The following CACNB2 variants were observed in gnomAD, a reference collection of about 807,000 sequenced individuals.
CACNB2 encodes calcium voltage-gated channel auxiliary subunit beta 2.
In CACNB2, 42 loss-of-function variants were observed where a neutral mutation model predicts 73.3. That is an observed-to-expected ratio of 0.57 (90% CI 0.45 to 0.74). The LOEUF (loss-of-function observed/expected upper bound fraction) is 0.74. CACNB2 is among the 30% of genes least tolerant of loss of function. The pLI, the probability that CACNB2 is intolerant of heterozygous loss-of-function variation, is 0.00. For synonymous variants in CACNB2, 348 were observed against 310.3 expected, an observed-to-expected ratio of 1.12 and a Z score of -1.28; for missense variants, 940 against 853.0, an observed-to-expected ratio of 1.10 and a Z score of -1.27.
rs147229495 is a variant in CACNB2 at position 18,411,302 on chromosome 10, G to A, written c.333+9259G>A. ...CAGAAGCCCGCTGGACCTCTGTTAG[G>A]CTTCTCTTCCCTGTTGACATATACT... is the stretch of plus-strand genomic sequence containing the variant. On this transcript the variant is annotated intron_variant, in intron 3 of 13. Coordinates refer to ENST00000324631, the MANE Select transcript of CACNB2 (RefSeq NM_201596.3). Among the ~76,000 whole-genome samples the A allele has an allele frequency of 2.6e-3, 398 of 152,176 alleles. 3 individuals are homozygous for A. Among genetic ancestry groups the A allele is most frequent in the African/African-American group, 9.1e-3 (377 of 41,510 alleles).
At chr10:18,339,350 G>C (rs536539331) in intron 2 of CACNB2, among the ~76,000 whole-genome samples, 2 of 151,974 alleles carry the variant, frequency 1.3e-5, no homozygotes, top group South Asian at 4.2e-4. Context: ...CTGAAACCCC[G>C]TAACTACTAA....
intron 3 of CACNB2, among the ~76,000 whole-genome samples, chr10:18,486,349 G>A (rs2049058900): frequency 6.6e-6 from 1 of 152,152 alleles, no homozygotes. Context: ...ATTATAATGT[G>A]TTTATTCTAT....
chr10:18,146,327 T>TTTTTTTA (rs2030975714), intron 1 of CACNB2, among the ~76,000 whole-genome samples: 4 of 125,626 alleles, frequency 3.2e-5, no homozygotes, highest in African/African-American at 5.8e-5. Flanking sequence ...TTTTTTTTTT[T>TTTTTTTA]GAGATGGTGT....
At chr10:18,285,985 T>G (rs1290279977) in intron 2 of CACNB2, among the ~76,000 whole-genome samples, 1 of 152,228 alleles carries the variant, frequency 6.6e-6, no homozygotes, top group Non-Finnish European at 1.5e-5. Flanking sequence ...AAACCAATCA[T>G]GTGGGAACAC....
Position 18,539,954 on chromosome 10 carries a change from G to C in CACNB2, c.*230G>C. 2.0e-6 allele frequency: 1 copy of C among 504,534 alleles called. No individual in the cohort carries two copies. The highest frequency in any genetic ancestry group is 2.2e-5 in the South Asian group (1 of 45,576). 31.3% of individuals were successfully genotyped at this position (504,534 alleles called of 1,614,324 possible). ...CTGGTATGGCTGCAGTCCTCCGGTTGCATACTGGACTCTTCAAAAACTGTT... is the reference window on the plus strand; with the variant it reads ...CTGGTATGGCTGCAGTCCTCCGGTTCCATACTGGACTCTTCAAAAACTGTT... On this transcript the variant is annotated 3_prime_UTR_variant, in exon 14 of 14. Coordinates refer to ENST00000324631, the MANE Select transcript of CACNB2 (RefSeq NM_201596.3).
intron 3 of CACNB2, among the ~76,000 whole-genome samples, chr10:18,408,794 C>T (rs545986169): frequency 1.3e-5 from 2 of 152,160 alleles, no homozygotes; most frequent in African/African-American, 2.4e-5. Context: ...AGATTATGGA[C>T]GCAAATTTTT....
chr10:18,171,624 CACTT>C (rs987377100), intron 2 of CACNB2, among the ~76,000 whole-genome samples: 1 of 144,092 alleles, frequency 6.9e-6, no homozygotes, highest in African/African-American at 2.5e-5. Flanking sequence ...TTATTTGACT[CACTT>C]AGTTTACACA....
intron 2 of CACNB2, among the ~76,000 whole-genome samples, chr10:18,161,466 C>T (rs1003305364): frequency 6.6e-6 from 1 of 152,070 alleles, no homozygotes; most frequent in Non-Finnish European, 1.5e-5. Context: ...CCAGCTTTTC[C>T]TTCTTGGAAA....
At chr10:18,536,800 A>G (rs1210567483) in intron 12 of CACNB2, among the ~76,000 whole-genome samples, 1 of 152,216 alleles carries the variant, frequency 6.6e-6, no homozygotes, top group Non-Finnish European at 1.5e-5. Flanking sequence ...TTTGGCTTGT[A>G]TGATGAGTCT....
intron 2 of CACNB2, among the ~76,000 whole-genome samples, chr10:18,183,230 A>C (rs1264406919): frequency 6.6e-6 from 1 of 152,210 alleles, no homozygotes; most frequent in East Asian, 1.9e-4. Flanking sequence ...TCTGCCATAT[A>C]GTCTGAGTTC....
At chr10:18,282,901 A>G (rs2038615070) in intron 2 of CACNB2, among the ~76,000 whole-genome samples, 1 of 152,206 alleles carries the variant, frequency 6.6e-6, no homozygotes, top group Non-Finnish European at 1.5e-5. Flanking sequence ...AATGGGAGAA[A>G]ATGTTTACAA....
chr10:18,481,192 CTATATATATATATATATATATATATA>C (rs145814788), intron 3 of CACNB2, among the ~76,000 whole-genome samples: 4,720 of 36,758 alleles, frequency 0.13, 508 homozygotes, highest in East Asian at 0.26. Context: ...TACATCTTCG[CTATATATATATATATATATATATATA>C]TATATATATA....
chr10:18,240,153 C>G (rs1183084331), intron 2 of CACNB2, among the ~76,000 whole-genome samples: 2 of 152,316 alleles, frequency 1.3e-5, no homozygotes, highest in East Asian at 1.9e-4. Context: ...ATAACAAAAA[C>G]TATGAGTATT....
At chr10:18,171,379 G>T (rs2131151736) in intron 2 of CACNB2, among the ~76,000 whole-genome samples, 1 of 151,452 alleles carries the variant, frequency 6.6e-6, no homozygotes, top group East Asian at 1.9e-4. Context: ...GGGTATTCCT[G>T]GGCTGGGGGC....
chr10:18,230,448 A>G (rs573781694), intron 2 of CACNB2, among the ~76,000 whole-genome samples: 2 of 152,292 alleles, frequency 1.3e-5, no homozygotes, highest in South Asian at 2.1e-4. Context: ...AGACCATGGT[A>G]TGATTGGAAC....
At chr10:18,152,016 G>A (rs1459972294) in intron 2 of CACNB2, among the ~76,000 whole-genome samples, 3 of 152,052 alleles carry the variant, frequency 2.0e-5, no homozygotes, top group African/African-American at 7.2e-5. Flanking sequence ...ATTTTTATTG[G>A]GGACAGTTAC....
chr10:18,305,584 C>A lies in CACNB2; in HGVS notation c.214-96340C>A, dbSNP rs190344750. On this transcript the variant is annotated intron_variant, in intron 2 of 13. Transcript: ENST00000324631. ...TTTGCCATGTAATAGCCATTTATAT[C>A]AATTTCACATTCTACTTTCTTCTAT... Among the ~76,000 whole-genome samples, 21 of 152,294 alleles carry A rather than the reference C, an allele frequency of 1.4e-4. No homozygotes were observed. The East Asian group carries it at 4.0e-3, about 29-fold the overall frequency.
In CACNB2 at chr10:18,349,470, A is replaced by G. The variant is rs554792082; in HGVS notation, c.214-52454A>G. Among the ~76,000 whole-genome samples the G allele has an allele frequency of 4.3e-4, 65 of 152,320 alleles. 1 individual carries two copies. The highest frequency in any genetic ancestry group is 1.4e-3 in the African/African-American group (59 of 41,562). On this transcript the variant is annotated intron_variant, in intron 2 of 13. Transcript: ENST00000324631. ...AATATATATTGGTTTAATTTCCACA[A>G]CTGAGTTTGCCTGACTTCTCTGGGA... is the stretch of plus-strand genomic sequence containing the variant.
intron 7 of CACNB2, 109 bp from the exon 8 acceptor site, chr10:18,518,227 T>C (rs1483368366): frequency 1.2e-6 from 1 of 802,174 alleles, no homozygotes. Flanking sequence ...ATAAAATGTC[T>C]GGAAAGCCAG....
Sources: gnomAD v4.1 joint callset for allele counts (sites outside exome capture counted in the v4.1 genomes callset) on GRCh38, gnomAD v4.1.1 for gene constraint, MANE v1.5 for transcripts, NCBI Gene and HGNC (gene_info 2026-07-23, HGNC 2026-07-21) for gene names.